Variants in EIF4G3 observed in about 807,000 individuals in gnomAD.
EIF4G3 encodes the protein eukaryotic translation initiation factor 4 gamma 3.
Under a neutral mutation model 186.4 loss-of-function variants are expected in EIF4G3, and 34 were observed. That is an observed-to-expected ratio of 0.18 (90% confidence interval 0.14 to 0.24). EIF4G3 has a LOEUF of 0.24. Among genes scored for constraint, EIF4G3 ranks in the 10% least tolerant of loss-of-function variants. The pLI is 1.00. For synonymous variants in EIF4G3, 673 were observed against 679.5 expected (o/e 0.99, Z 0.15); for missense variants, 1,536 against 1,948.5 (o/e 0.79, Z 3.99).
intron 14 of EIF4G3, among the ~76,000 whole-genome samples, chr1:20,940,670 T>C (rs1003317059): frequency 1.3e-5 from 2 of 152,232 alleles, no homozygotes; most frequent in African/African-American, 4.8e-5. Flanking sequence ...AAGGAAATTA[T>C]ATAGCATAGG....
intron 14 of EIF4G3, among the ~76,000 whole-genome samples, chr1:20,939,779 G>T (rs2095643998): frequency 6.8e-6 from 1 of 147,536 alleles, no homozygotes. Context: ...ACAAATTACT[G>T]TTCTCCAACA....
chr1:20,826,703 T>C (rs1218461565), intron 32 of EIF4G3, among the ~76,000 whole-genome samples: 2 of 151,610 alleles, frequency 1.3e-5, no homozygotes, highest in Admixed American at 1.3e-4. Context: ...TTGGCCAGGA[T>C]GGTCTCGATC....
chr1:21,114,435 A>G (rs1317542638), intron 2 of EIF4G3, among the ~76,000 whole-genome samples: 1 of 152,164 alleles, frequency 6.6e-6, no homozygotes, highest in Admixed American at 6.5e-5. Context: ...GGCCCTTGAA[A>G]GCTGTAATTT....
chr1:20,958,288 A>C (rs1206122798), intron 12 of EIF4G3, among the ~76,000 whole-genome samples: 1 of 152,190 alleles, frequency 6.6e-6, no homozygotes, highest in African/African-American at 2.4e-5. Context: ...AAAGAATTAT[A>C]AACAAAAACC....
intron 2 of EIF4G3, among the ~76,000 whole-genome samples, chr1:21,158,740 T>TAC (rs10541581): frequency 5.9e-5 from 9 of 151,648 alleles, no homozygotes; most frequent in African/African-American, 2.2e-4. Context: ...TACATATACA[T>TAC]ACACACACAC....
At chr1:20,871,760 C>T (rs1396701621) in intron 20 of EIF4G3, among the ~76,000 whole-genome samples, 1 of 152,154 alleles carries the variant, frequency 6.6e-6, no homozygotes, top group African/African-American at 2.4e-5. Flanking sequence ...CACTTTTGGG[C>T]AACACTGGCC....
At chr1:21,119,976 A>G (rs2096898269) in intron 2 of EIF4G3, among the ~76,000 whole-genome samples, 1 of 151,942 alleles carries the variant, frequency 6.6e-6, no homozygotes. Flanking sequence ...TATAAAAATA[A>G]AATTTCTAAA....
chr1:21,014,543 G>C (rs950564685), intron 4 of EIF4G3, among the ~76,000 whole-genome samples: 1 of 151,762 alleles, frequency 6.6e-6, no homozygotes, highest in Non-Finnish European at 1.5e-5. Flanking sequence ...TCAGTGTTTA[G>C]CTCCCACTTG....
intron 4 of EIF4G3, among the ~76,000 whole-genome samples, chr1:21,023,425 T>C (rs929261132): frequency 2.0e-4 from 30 of 151,706 alleles, no homozygotes; most frequent in African/African-American, 3.1e-4. Context: ...CGCGCCGCCA[T>C]GCCTGACTGG....
chr1:20,818,930 A>G (rs2061659853), intron 33 of EIF4G3, among the ~76,000 whole-genome samples: 1 of 152,002 alleles, frequency 6.6e-6, no homozygotes, highest in African/African-American at 2.4e-5. Context: ...TTTCCCAATA[A>G]GGTTTTATTA....
intron 29 of EIF4G3, among the ~76,000 whole-genome samples, chr1:20,843,759 A>C (rs1417714913): frequency 2.0e-5 from 3 of 152,130 alleles, no homozygotes; most frequent in Non-Finnish European, 4.4e-5. Context: ...CCAGATACTA[A>C]GCCTAGTATC....
At chr1:20,889,306 C>G (rs1200796594) in intron 18 of EIF4G3, among the ~76,000 whole-genome samples, 1 of 152,088 alleles carries the variant, frequency 6.6e-6, no homozygotes, top group Non-Finnish European at 1.5e-5. Flanking sequence ...TAAAGAAAGA[C>G]TTTACTCCTA....
chr1:21,173,571 C>T (rs1370922670), intron 2 of EIF4G3, among the ~76,000 whole-genome samples: 1 of 152,042 alleles, frequency 6.6e-6, no homozygotes, highest in Non-Finnish European at 1.5e-5. Context: ...GCCTGTAATC[C>T]CAGCTACTCA....
intron 2 of EIF4G3, among the ~76,000 whole-genome samples, chr1:21,102,546 C>T (rs2096546768): frequency 6.6e-6 from 1 of 152,142 alleles, no homozygotes; most frequent in Non-Finnish European, 1.5e-5. Context: ...TTCTTAAAAT[C>T]ATCATTAATA....
chr1:21,011,668 A>T (rs2087150815), intron 4 of EIF4G3, among the ~76,000 whole-genome samples: 1 of 152,210 alleles, frequency 6.6e-6, no homozygotes, highest in Non-Finnish European at 1.5e-5. Flanking sequence ...AATAGCCACA[A>T]ATATCTTCCT....
rs916112327 is a variant in EIF4G3, at chr1:21,176,736, T to G, written c.-470A>C. 1.4e-6 allele frequency: 1 copy of G among 694,698 alleles called. No individual in the cohort carries two copies. Among genetic ancestry groups the G allele is most frequent in the South Asian group, 1.5e-5 (1 of 67,478 alleles). 43.0% of individuals were successfully genotyped at this position (694,698 alleles called of 1,614,324 possible). On this transcript the variant is annotated 5_prime_UTR_variant, in exon 1 of 37. Coordinates refer to ENST00000602326, the MANE Select transcript of EIF4G3 (RefSeq NM_001391906.1). ...AGAGACCGGACCTTTCACGGCAATA[T>G]CCTCATGGGCCGGCGGCGGGGGATC...
chr1:21,092,566 C>A (rs1346793687), intron 2 of EIF4G3, among the ~76,000 whole-genome samples: 2 of 152,058 alleles, frequency 1.3e-5, no homozygotes. Flanking sequence ...ATCAGGCTAC[C>A]AATAACTTTC....
At chr1:20,860,364 C>A (rs2076065697) in intron 24 of EIF4G3, 21 bp downstream of exon 24, 1 of 1,613,214 alleles carries the variant, frequency 6.2e-7, no homozygotes, top group Non-Finnish European at 8.5e-7. Flanking sequence ...TTCTCTAAAC[C>A]CTGGTGGATT....
intron 2 of EIF4G3, among the ~76,000 whole-genome samples, chr1:21,126,550 C>A (rs543791666): frequency 6.6e-6 from 1 of 151,826 alleles, no homozygotes; most frequent in Non-Finnish European, 1.5e-5. Flanking sequence ...CAGCTACTCC[C>A]GAGAATGGCA....
Sources: allele counts gnomAD v4.1 joint callset (sites outside exome capture counted in the v4.1 genomes callset), GRCh38; gene constraint gnomAD v4.1.1; transcripts MANE v1.5; gene names NCBI Gene and HGNC (gene_info 2026-07-23, HGNC 2026-07-21).